Variants in BIRC6 observed in about 807,000 individuals in gnomAD.
BIRC6 encodes the protein dual E2 ubiquitin-conjugating enzyme/E3 ubiquitin-protein ligase BIRC6.
BIRC6 carries 98 observed loss-of-function variants against 503.3 expected under a neutral mutation model. The observed-to-expected ratio is 0.19, with a 90% confidence interval of 0.17 to 0.23. The LOEUF (loss-of-function observed/expected upper bound fraction) is 0.23. Among genes scored for constraint, BIRC6 ranks in the 10% least tolerant of loss-of-function variants. The pLI is 1.00. For missense variants in BIRC6, 5,360 were observed against 5,806.0 expected, an observed-to-expected ratio of 0.92 and a Z score of 2.50; for synonymous variants, 2,240 against 2,078.7, an observed-to-expected ratio of 1.08 and a Z score of -2.11.
chr2:32,480,542 A>T (rs957982634), intron 37 of BIRC6, among the ~76,000 whole-genome samples: 2 of 149,884 alleles, frequency 1.3e-5, no homozygotes, highest in Non-Finnish European at 3.0e-5. Flanking sequence ...TATAAGGGTT[A>T]TAAGAAAGCT....
At chr2:32,461,365 T>C (rs2047974786) in intron 23 of BIRC6, among the ~76,000 whole-genome samples, 1 of 149,692 alleles carries the variant, frequency 6.7e-6, no homozygotes, top group Admixed American at 6.7e-5. Flanking sequence ...TGTGTGTGTG[T>C]GTGTGTGTGT....
At chr2:32,552,765 C>T (rs1029133733) in intron 65 of BIRC6, among the ~76,000 whole-genome samples, 1 of 151,904 alleles carries the variant, frequency 6.6e-6, no homozygotes, top group African/African-American at 2.4e-5. Flanking sequence ...CCACTGCATT[C>T]CAGCATGGGT....
In BIRC6 at chr2:32,505,055, C is replaced by A; in HGVS notation, c.9550C>A (p.Gln3184Lys). Residue 3184 changes from glutamine (Q) to lysine (K), a missense_variant, in exon 50 of 74, where the codon CAG becomes AAG. Gln to Lys is a moderately conservative substitution (Grantham distance 53). Coordinates refer to ENST00000421745, the MANE Select transcript of BIRC6 (RefSeq NM_016252.4). ...TGCCCAACCAGCTGAAGTGCTATTGCAGGCCACACCTCCTCACAGAAGAGC... is the reference window on the plus strand; with the variant it reads ...TGCCCAACCAGCTGAAGTGCTATTGAAGGCCACACCTCCTCACAGAAGAGC... ...PTAQPAEVLLQATPPHRRARS... is the reference protein window; with the variant it reads ...PTAQPAEVLLKATPPHRRARS... 1 of 1,613,774 alleles carries A rather than the reference C, an allele frequency of 6.2e-7. No individual in the cohort carries two copies. The highest frequency in any genetic ancestry group is 8.5e-7 in the Non-Finnish European group (1 of 1,179,802).
intron 47 of BIRC6, 49 bp downstream of exon 47, chr2:32,501,937 G>C: frequency 6.7e-7 from 1 of 1,485,068 alleles, no homozygotes; most frequent in South Asian, 1.3e-5. Flanking sequence ...AATTTATTGC[G>C]ATGTAAGTGG....
intron 66 of BIRC6, among the ~76,000 whole-genome samples, chr2:32,578,979 A>AATATATATATAT (rs1407258691): frequency 0.012 from 914 of 74,312 alleles, 127 homozygotes; most frequent in Middle Eastern, 0.029. Flanking sequence ...TTATATACCT[A>AATATATATATAT]ATATATATAT....
At chr2:32,605,798 C>T (rs550824849) in intron 71 of BIRC6, among the ~76,000 whole-genome samples, 1 of 152,188 alleles carries the variant, frequency 6.6e-6, no homozygotes, top group African/African-American at 2.4e-5. Flanking sequence ...GCAGAGGTTG[C>T]AGTGAGCTGA....
rs201735266 is a variant in BIRC6 at position 32,357,185 on chromosome 2, A to T, written c.24A>T (p.Ala8=). 456 of 1,531,386 alleles carry T rather than the reference A, an allele frequency of 3.0e-4. 2 individuals carry two copies. In the East Asian group the frequency reaches 0.012, roughly 40 times the overall value. The allele number at this position is 1,531,386 out of a possible 1,614,324, so 94.9% of individuals were successfully genotyped here. MVTGGGA[A]PPGTVTEPLP... The stretch of plus-strand genomic sequence containing the variant: ...GGATGGTGACTGGTGGTGGTGCTGC[A>T]CCTCCCGGGACTGTCACTGAGCCGC... The change falls in exon 1 of 74, where the codon GCA becomes GCT. Residue 8 remains alanine (A), a synonymous_variant. Coordinates refer to ENST00000421745, the MANE Select transcript of BIRC6 (RefSeq NM_016252.4). The surrounding 1 kb of genome is among the most constrained non-coding windows in gnomAD (Gnocchi z 4.9).
intron 65 of BIRC6, among the ~76,000 whole-genome samples, chr2:32,567,221 C>T (rs879300508): frequency 3.3e-5 from 5 of 152,240 alleles, no homozygotes; most frequent in Admixed American, 1.3e-4. Flanking sequence ...CCACCTGCCT[C>T]GGCCTCCCAC....
At chr2:32,371,445 G>C (rs912515247) in intron 1 of BIRC6, among the ~76,000 whole-genome samples, 4 of 151,642 alleles carry the variant, frequency 2.6e-5, no homozygotes, top group East Asian at 2.0e-4. Flanking sequence ...TGCAATCTCA[G>C]CTCACTGCAA....
At chr2:32,397,636 A>G (rs952876800) in intron 6 of BIRC6, among the ~76,000 whole-genome samples, 4 of 142,584 alleles carry the variant, frequency 2.8e-5, no homozygotes, top group Non-Finnish European at 4.5e-5. Context: ...ATATGTATAT[A>G]TATACACACA....
intron 23 of BIRC6, among the ~76,000 whole-genome samples, chr2:32,462,918 G>C (rs2048161370): frequency 6.7e-6 from 1 of 148,702 alleles, no homozygotes; most frequent in Non-Finnish European, 1.5e-5. Context: ...TCACGCCGCT[G>C]CACTCCAGCC....
intron 10 of BIRC6, among the ~76,000 whole-genome samples, chr2:32,422,003 T>TA (rs1420107449): frequency 5.9e-5 from 9 of 152,252 alleles, no homozygotes; most frequent in African/African-American, 9.6e-5. Flanking sequence ...GCTCTTTTGT[T>TA]AGACTGTTTC....
intron 8 of BIRC6, among the ~76,000 whole-genome samples, chr2:32,405,688 C>T (rs1421305608): frequency 1.3e-5 from 2 of 152,060 alleles, no homozygotes; most frequent in African/African-American, 2.4e-5. Context: ...TTAGCCTCTC[C>T]AAAACAAAAT....
intron 3 of BIRC6, among the ~76,000 whole-genome samples, chr2:32,381,976 A>C (rs149825665): frequency 1.3e-5 from 2 of 152,150 alleles, no homozygotes; most frequent in East Asian, 3.9e-4. Context: ...ACCTTACTCT[A>C]TTGATGGGGC....
At position 32,372,953 on chromosome 2, in the gene BIRC6, A is replaced by G. The variant is rs536183072; in HGVS notation, c.326-4635A>G. 2.8e-4 allele frequency among the ~76,000 whole-genome samples: 42 copies of G among 152,346 alleles called. 1 individual carries two copies. In the South Asian group the frequency reaches 6.8e-3, roughly 25 times the overall value. Reference sequence around the variant, plus strand: ...TGTGAACATAAGCTTTTATGTCTCCAGGGTAAATACACAGAAGTGGGATTA... The same window carrying G: ...TGTGAACATAAGCTTTTATGTCTCCGGGGTAAATACACAGAAGTGGGATTA... On this transcript the variant is annotated intron_variant, in intron 1 of 73. Transcript: ENST00000421745.
At chr2:32,492,789 T>G (rs568221340) in intron 44 of BIRC6, among the ~76,000 whole-genome samples, 12 of 152,174 alleles carry the variant, frequency 7.9e-5, no homozygotes, top group East Asian at 7.7e-4. Flanking sequence ...AGCTATAATT[T>G]GTATGCTCAG....
At chr2:32,605,952 A>G (rs2062420306) in intron 71 of BIRC6, among the ~76,000 whole-genome samples, 1 of 152,228 alleles carries the variant, frequency 6.6e-6, no homozygotes, top group African/African-American at 2.4e-5. Context: ...TGGCATCAGT[A>G]TGGTCACTTT....
intron 22 of BIRC6, among the ~76,000 whole-genome samples, chr2:32,450,936 T>C (rs1170733594): frequency 2.6e-5 from 4 of 152,212 alleles, no homozygotes; most frequent in Non-Finnish European, 5.9e-5. Flanking sequence ...TTCATTTTTT[T>C]CCCCTGAATA....
intron 16 of BIRC6, among the ~76,000 whole-genome samples, chr2:32,439,902 G>C (rs1343118385): frequency 6.6e-6 from 1 of 151,980 alleles, no homozygotes; most frequent in East Asian, 1.9e-4. Flanking sequence ...GTTTTGAGAC[G>C]GGGTCTCACT....
Sources: gnomAD v4.1 joint callset for allele counts (sites outside exome capture counted in the v4.1 genomes callset) on GRCh38, gnomAD v4.1.1 for gene constraint, Gnocchi (gnomAD v3.1) non-coding constraint, MANE v1.5 for transcripts, NCBI Gene and HGNC (gene_info 2026-07-23, HGNC 2026-07-21) for gene names.